ARHGAP6: variants seen among roughly 807,000 people sequenced by gnomAD.
ARHGAP6 encodes the protein Rho GTPase activating protein 6, also known as rho GTPase-activating protein 6.
A neutral mutation model predicts 55.7 loss-of-function variants in ARHGAP6; 16 were observed. The observed-to-expected ratio is 0.29, with a 90% confidence interval of 0.19 to 0.44. ARHGAP6 has a LOEUF of 0.44. Ranked by LOEUF, ARHGAP6 falls within the 20% of genes least tolerant of loss-of-function variation. The probability of loss-of-function intolerance (pLI) is 1.00; values close to 1 mark genes in which losing one functional copy is unlikely to be tolerated. For missense variants in ARHGAP6, 698 were observed against 808.9 expected (o/e 0.86, Z 1.66); for synonymous variants, 382 against 360.9 (o/e 1.06, Z -0.66).
intron 1 of ARHGAP6, among the ~76,000 whole-genome samples, chrX:11,579,590 A>G (rs1236959707): frequency 8.9e-6 from 1 of 112,230 alleles, no homozygotes; most frequent in African/African-American, 3.2e-5. Context: ...TCTTACCTTC[A>G]GATATGGAAA....
chrX:11,406,646 T>G (rs1031150534), intron 1 of ARHGAP6, among the ~76,000 whole-genome samples: 1 of 111,594 alleles, frequency 9.0e-6, no homozygotes, highest in African/African-American at 3.3e-5. Flanking sequence ...TCCCAGCATG[T>G]TGGCCCTGAT....
intron 1 of ARHGAP6, among the ~76,000 whole-genome samples, chrX:11,583,962 A>G (rs1043672273): frequency 3.6e-5 from 4 of 112,188 alleles, no homozygotes; most frequent in African/African-American, 9.7e-5. Context: ...TTGACATTGT[A>G]CCAGAAGTCT....
At chrX:11,246,769 T>G (rs1489047167) in intron 2 of ARHGAP6, among the ~76,000 whole-genome samples, 1 of 112,013 alleles carries the variant, frequency 8.9e-6, no homozygotes, top group Non-Finnish European at 1.9e-5. Context: ...TTGGTGGTGT[T>G]TGCTTCCCAT....
chrX:11,491,003 A>G (rs1444894673), intron 1 of ARHGAP6, among the ~76,000 whole-genome samples: 2 of 112,055 alleles, frequency 1.8e-5, no homozygotes, highest in African/African-American at 6.5e-5. Context: ...TGGAATTGAA[A>G]TGGGCATCAC....
At chrX:11,438,356 C>G (rs2050007944) in intron 1 of ARHGAP6, among the ~76,000 whole-genome samples, 1 of 112,651 alleles carries the variant, frequency 8.9e-6, no homozygotes, top group African/African-American at 3.2e-5. Context: ...GCCTACGATG[C>G]TAATTCCGGA....
intron 9 of ARHGAP6, among the ~76,000 whole-genome samples, chrX:11,161,214 C>T (rs771379610): frequency 1.8e-5 from 2 of 112,310 alleles, no homozygotes; most frequent in Admixed American, 1.9e-4. Context: ...CTGCACATTT[C>T]GTTTCCTAAC....
intron 1 of ARHGAP6, among the ~76,000 whole-genome samples, chrX:11,463,845 A>G (rs2050268375): frequency 8.9e-6 from 1 of 112,215 alleles, no homozygotes; most frequent in African/African-American, 3.2e-5. Context: ...TACATTCTTT[A>G]AATACAACAT....
intron 2 of ARHGAP6, among the ~76,000 whole-genome samples, chrX:11,210,366 T>C (rs1016246762): frequency 8.9e-6 from 1 of 112,641 alleles, no homozygotes; most frequent in South Asian, 3.6e-4. Context: ...ATGAAAGTTG[T>C]CAGTATTGAG....
intron 1 of ARHGAP6, among the ~76,000 whole-genome samples, chrX:11,273,199 A>G (rs2047712736): frequency 9.0e-6 from 1 of 111,009 alleles, no homozygotes; most frequent in Non-Finnish European, 1.9e-5. Flanking sequence ...CCCTAAAAGC[A>G]TGTTCCAAGT....
intron 1 of ARHGAP6, among the ~76,000 whole-genome samples, chrX:11,479,707 C>T (rs1004294915): frequency 1.8e-5 from 2 of 111,633 alleles, no homozygotes; most frequent in Non-Finnish European, 3.8e-5. Flanking sequence ...GTAGCCAGTC[C>T]CAGCTGATGC....
chrX:11,309,775 AT>A (rs2048275818), intron 1 of ARHGAP6, among the ~76,000 whole-genome samples: 1 of 111,449 alleles, frequency 9.0e-6, no homozygotes, highest in South Asian at 3.8e-4. Context: ...AAGAAAAAAA[AT>A]CTGAATAAAT....
chrX:11,484,154 T>C, intron 1 of ARHGAP6, among the ~76,000 whole-genome samples: 1 of 111,582 alleles, frequency 9.0e-6, no homozygotes, highest in Non-Finnish European at 1.9e-5. Flanking sequence ...GTATTTGGGT[T>C]GTATCCTAAA....
Position 11,629,180 on chromosome X carries a change from G to A in ARHGAP6, c.588+35061C>T, listed in dbSNP as rs544480222. Among the ~76,000 whole-genome samples, 13 of 111,960 alleles carry A rather than the reference G, an allele frequency of 1.2e-4. No homozygotes were observed. In the East Asian group the frequency reaches 3.6e-3, roughly 31 times the overall value. On this transcript the variant is annotated intron_variant, in intron 1 of 12. Transcript: ENST00000337414. ...ACCTTCATCTGCCATTACCTTTAGT[G>A]GCTTCAACATCAGAGCATACAATTA...
intron 1 of ARHGAP6, among the ~76,000 whole-genome samples, chrX:11,624,752 C>T (rs933671117): frequency 7.2e-5 from 8 of 110,995 alleles, no homozygotes; most frequent in African/African-American, 2.3e-4. Flanking sequence ...GGGGTTTCAC[C>T]GCGTTAGCCA....
At chrX:11,399,354 C>CAAAAAAAAAAAAAAAAAA (rs56197001) in intron 1 of ARHGAP6, among the ~76,000 whole-genome samples, 1 of 35,335 alleles carries the variant, frequency 2.8e-5, no homozygotes, top group Non-Finnish European at 5.0e-5. Flanking sequence ...AATAAGCAAT[C>CAAAAAAAAAAAAAAAAAA]AAAAAAAAAA....
intron 1 of ARHGAP6, among the ~76,000 whole-genome samples, chrX:11,255,129 G>A (rs1156318179): frequency 2.7e-5 from 3 of 111,643 alleles, no homozygotes; most frequent in Non-Finnish European, 5.6e-5. Context: ...TGCACCAAGG[G>A]CATTTTTTAA....
At chrX:11,442,931 C>A (rs748883165) in intron 1 of ARHGAP6, among the ~76,000 whole-genome samples, 15 of 112,205 alleles carry the variant, frequency 1.3e-4, no homozygotes, top group Admixed American at 1.9e-4. Context: ...ACATTTCTAT[C>A]ATTAAAGAGA....
chrX:11,534,669 A>T (rs971290875), intron 1 of ARHGAP6, among the ~76,000 whole-genome samples: 4 of 111,137 alleles, frequency 3.6e-5, no homozygotes, highest in Non-Finnish European at 5.7e-5. Context: ...ACCACAAATG[A>T]GAGCCACTAT....
At chrX:11,623,467 G>A (rs1462283431) in intron 1 of ARHGAP6, among the ~76,000 whole-genome samples, 2 of 110,229 alleles carry the variant, frequency 1.8e-5, no homozygotes, top group Non-Finnish European at 3.8e-5. Flanking sequence ...TGAGGTAGGT[G>A]GATCATGAGG....
Sources: gnomAD v4.1 joint callset for allele counts (sites outside exome capture counted in the v4.1 genomes callset) on GRCh38, gnomAD v4.1.1 for gene constraint, MANE v1.5 for transcripts, NCBI Gene and HGNC (gene_info 2026-07-23, HGNC 2026-07-21) for gene names.